Variants in MAP3K2 observed in about 807,000 individuals in gnomAD.
The protein encoded by MAP3K2 is MAP/ERK kinase kinase 2.
MAP3K2 carries 24 observed loss-of-function variants against 80.3 expected under a neutral mutation model. The ratio of observed to expected loss-of-function variants is 0.30; its 90% CI spans 0.22 to 0.42. The LOEUF (loss-of-function observed/expected upper bound fraction) is 0.42, where lower values mean the gene tolerates loss of function less well. MAP3K2 is among the 10% of genes least tolerant of loss of function. MAP3K2 has a pLI of 1.00. For missense variants in MAP3K2, 608 were observed against 750.1 expected, an observed-to-expected ratio of 0.81 and a Z score of 2.21; for synonymous variants, 244 against 253.7, an observed-to-expected ratio of 0.96 and a Z score of 0.36.
intron 15 of MAP3K2, among the ~76,000 whole-genome samples, chr2:127,314,323 C>A (rs141009198): frequency 1.2e-4 from 18 of 152,144 alleles, no homozygotes; most frequent in African/African-American, 4.1e-4. Flanking sequence ...TTACTCCTTA[C>A]AAGAATCCTA....
chr2:127,347,813 G>C (rs1686624713), intron 1 of MAP3K2, among the ~76,000 whole-genome samples: 1 of 152,080 alleles, frequency 6.6e-6, no homozygotes, highest in African/African-American at 2.4e-5. Context: ...AAGATGCTCA[G>C]TATCATCTGT....
Position 127,343,176 on chromosome 2 carries a change from C to A in MAP3K2, c.-47G>T. On this transcript the variant is annotated 5_prime_UTR_variant, in exon 2 of 17. The change abolishes an upstream ATG in the 5' untranslated region. Coordinates refer to ENST00000682094, the MANE Select transcript of MAP3K2 (RefSeq NM_001371910.2). Reference sequence around the variant, plus strand: ...TTGAAAATTAGGAAAATGGTTCTCCCATCAGCATTCTTTATGGCCTGAGAA... The same window carrying A: ...TTGAAAATTAGGAAAATGGTTCTCCAATCAGCATTCTTTATGGCCTGAGAA... 1 of 1,503,022 alleles carries A rather than the reference C, an allele frequency of 6.7e-7. No homozygotes were observed. Among genetic ancestry groups the A allele is most frequent in the East Asian group, 2.4e-5 (1 of 41,070 alleles). The allele number at this position is 1,503,022 out of a possible 1,614,324, so 93.1% of individuals were successfully genotyped here. A position where few individuals can be genotyped will look rare whatever the true frequency, so the allele number is the denominator to read the frequency against.
At chr2:127,384,748 C>T (rs866852145) in intron 1 of MAP3K2, among the ~76,000 whole-genome samples, 16 of 151,990 alleles carry the variant, frequency 1.1e-4, no homozygotes, top group African/African-American at 3.9e-4. Context: ...GCCCTGACCT[C>T]CCCTCCCCGG....
intron 1 of MAP3K2, among the ~76,000 whole-genome samples, chr2:127,355,781 T>C (rs1395138224): frequency 6.6e-6 from 1 of 152,180 alleles, no homozygotes; most frequent in Non-Finnish European, 1.5e-5. Context: ...TAGCATTCGA[T>C]GCTGTTTGAT....
intron 1 of MAP3K2, chr2:127,378,097 C>G (rs1296091314): frequency 1.0e-5 from 8 of 791,630 alleles, no homozygotes; most frequent in Non-Finnish European, 1.2e-5. Flanking sequence ...ACCTAAGAAG[C>G]TTTACCAGAA....
At chr2:127,355,406 T>A (rs1686780359) in intron 1 of MAP3K2, among the ~76,000 whole-genome samples, 1 of 152,150 alleles carries the variant, frequency 6.6e-6, no homozygotes, top group African/African-American at 2.4e-5. Context: ...ATGATGGCAA[T>A]AAGGCAAACA....
At chr2:127,336,084 C>T (rs1686365286) in intron 4 of MAP3K2, 115 bp from the exon 5 acceptor site, 1 of 614,770 alleles carries the variant, frequency 1.6e-6, no homozygotes, top group Admixed American at 2.6e-5. Flanking sequence ...CGTAAATATT[C>T]ACTTTACTTA....
At chr2:127,338,059 G>A (rs1490959187) in intron 3 of MAP3K2, among the ~76,000 whole-genome samples, 1 of 152,116 alleles carries the variant, frequency 6.6e-6, no homozygotes, top group Non-Finnish European at 1.5e-5. Flanking sequence ...CCTGTTATGG[G>A]AAATACAGAA....
rs548745867 is a variant in MAP3K2 at position 127,353,115 on chromosome 2, C to T, written c.-65-9921G>A. Among the ~76,000 whole-genome samples the T allele has an allele frequency of 1.2e-3, 175 of 152,164 alleles. 1 individual carries two copies. The highest frequency in any genetic ancestry group is 1.9e-3 in the Non-Finnish European group (132 of 68,000). On this transcript the variant is annotated intron_variant, in intron 1 of 16. Transcript: ENST00000682094. ...GCCGAGATTGCAGCCTCTGCCCAGC[C>T]GCCACCCCGTCTGGGAAGTGAGGAG...
rs538193003 is a variant in MAP3K2 at position 127,324,028 on chromosome 2, T to TA, written c.746-35dup. ...ACATATAAGATGGTTATCTTTTATT[T>TA]AAAAAAAAAAGTTAAATATTTCTAA... On this transcript the variant is annotated intron_variant, in intron 10 of 16. Transcript: ENST00000682094. 4,149 of 1,089,462 alleles carry TA rather than the reference T, an allele frequency of 3.8e-3. 5 individuals are homozygous for TA. The highest frequency in any genetic ancestry group is 4.6e-3 in the South Asian group (276 of 60,174). 67.5% of individuals were successfully genotyped at this position (1,089,462 alleles called of 1,614,324 possible).
At chr2:127,387,286 C>T (rs1312899961) in intron 1 of MAP3K2, among the ~76,000 whole-genome samples, 166 bp downstream of exon 1, 1 of 151,942 alleles carries the variant, frequency 6.6e-6, no homozygotes, top group East Asian at 1.9e-4. Flanking sequence ...CCAAGGTCCG[C>T]CCTCCCGCAG....
rs1342430345 is a variant in MAP3K2, at chr2:127,387,933, T to C, written c.-547A>G. The C allele has an allele frequency of 7.3e-5, 72 of 984,262 alleles. No individual in the cohort carries two copies. The highest frequency in any genetic ancestry group is 8.4e-5 in the Non-Finnish European group (70 of 829,594). The allele number at this position is 984,262 out of a possible 1,614,324, so 61.0% of individuals were successfully genotyped here. A position where few individuals can be genotyped will look rare whatever the true frequency, so the allele number is the denominator to read the frequency against. Reference sequence around the variant, plus strand: ...CGGCACCCTCGTCAGGCGCCGCCGCTGAGGGCAGGCAGCCCGGCAGCCACT... The same window carrying C: ...CGGCACCCTCGTCAGGCGCCGCCGCCGAGGGCAGGCAGCCCGGCAGCCACT... On this transcript the variant is annotated 5_prime_UTR_variant, in exon 1 of 17. Coordinates refer to ENST00000682094, the MANE Select transcript of MAP3K2 (RefSeq NM_001371910.2).
rs755005738 is a variant in MAP3K2 at position 127,310,210 on chromosome 2, T to C, written c.1457-1448A>G. On this transcript the variant is annotated intron_variant, in intron 15 of 16. Transcript: ENST00000682094. The surrounding 1 kb of genome is among the most constrained non-coding windows in gnomAD (Gnocchi z 4.8). ...CCTTTGCCATACCCCCATCATTGTA[T>C]CCTTGGCTTTTGTTTTGGAGCACTT... 5.9e-5 allele frequency among the ~76,000 whole-genome samples: 9 copies of C among 152,260 alleles called. No homozygotes were observed. The highest frequency in any genetic ancestry group is 1.3e-4 in the Non-Finnish European group (9 of 68,048).
Position 127,322,817 on chromosome 2 carries a change from A to G in MAP3K2, c.839-565T>C, listed in dbSNP as rs1573983268. ...ATCACGTTGGCCAGGCTGGTCTCAT[A>G]CTCCTGACCTCAGGTGATCCACCCG... On this transcript the variant is annotated intron_variant, in intron 11 of 16. Transcript: ENST00000682094. This position sits in a 1 kb window ranked among gnomAD's most constrained non-coding sequence, Gnocchi z 4.2. Among the ~76,000 whole-genome samples the G allele has an allele frequency of 6.7e-6, 1 of 149,738 alleles. No homozygotes were observed. Among genetic ancestry groups the G allele is most frequent in the Non-Finnish European group, 1.5e-5 (1 of 67,220 alleles).
chr2:127,378,197 C>T (rs1687181760), intron 1 of MAP3K2: 1 of 976,636 alleles, frequency 1.0e-6, no homozygotes, highest in Admixed American at 6.2e-5. Context: ...AAAGAAAAAC[C>T]AAAGGTACAA....
chr2:127,350,727 A>T (rs897060207), intron 1 of MAP3K2, among the ~76,000 whole-genome samples: 1 of 152,056 alleles, frequency 6.6e-6, no homozygotes, highest in African/African-American at 2.4e-5. Context: ...TCTCCAAAAA[A>T]TAATCATTTC....
chr2:127,343,977 T>A (rs909252164), intron 1 of MAP3K2, among the ~76,000 whole-genome samples: 1 of 151,702 alleles, frequency 6.6e-6, no homozygotes, highest in Non-Finnish European at 1.5e-5. Context: ...GCTGTGGCAC[T>A]CCAGTCTGGG....
At position 127,330,415 on chromosome 2, in the gene MAP3K2, G is replaced by A; in HGVS notation, c.355C>T (p.Leu119Phe). ...ACCTGTGTACTTCCATTTATTACAA[G>A]TAATATCTTGAGGCTCTTCATATGA... ...SIHMKSLKIL[L>F]VINGSTQATN... Residue 119 changes from leucine (L) to phenylalanine (F), a missense_variant, in exon 6 of 17, where the codon CTT (leucine) becomes TTT (phenylalanine). This residue lies in a region of MAP3K2 where 467 missense variants were observed against 521.9 expected (regional missense o/e 0.89). Coordinates refer to ENST00000682094, the MANE Select transcript of MAP3K2 (RefSeq NM_001371910.2). 1 of 1,597,200 alleles carries A rather than the reference G, an allele frequency of 6.3e-7. No individual in the cohort carries two copies. The highest frequency in any genetic ancestry group is 1.7e-5 in the Admixed American group (1 of 58,416).
intron 7 of MAP3K2, among the ~76,000 whole-genome samples, 159 bp downstream of exon 7, chr2:127,329,762 A>T (rs1686215069): frequency 1.3e-5 from 2 of 152,216 alleles, no homozygotes; most frequent in African/African-American, 4.8e-5. Context: ...TTGAATTTCC[A>T]AGGGACGTCA....
Sources: gnomAD v4.1 joint callset for allele counts (sites outside exome capture counted in the v4.1 genomes callset) on GRCh38, gnomAD v4.1.1 for gene constraint, gnomAD v4.1.1 regional missense constraint, Gnocchi (gnomAD v3.1) non-coding constraint, MANE v1.5 for transcripts, NCBI Gene and HGNC (gene_info 2026-07-23, HGNC 2026-07-21) for gene names.